CSMD1: variants seen among roughly 807,000 people sequenced by gnomAD.
CSMD1 encodes the protein CUB and Sushi multiple domains 1.
In CSMD1, 213 loss-of-function variants were observed where a neutral mutation model predicts 417.5. The ratio of observed to expected loss-of-function variants is 0.51; its 90% CI spans 0.46 to 0.57. The LOEUF (loss-of-function observed/expected upper bound fraction) is 0.57, where lower values mean the gene tolerates loss of function less well. Among genes scored for constraint, CSMD1 ranks in the 20% least tolerant of loss-of-function variants. The pLI is 0.00. For missense variants in CSMD1, 6,923 were observed against 4,529.7 expected (o/e 1.53, Z -15.17); for synonymous variants, 2,862 against 1,736.8 (o/e 1.65, Z -16.11).
chr8:3,180,075 T>C (rs1446392602), intron 37 of CSMD1, among the ~76,000 whole-genome samples: 1 of 152,236 alleles, frequency 6.6e-6, no homozygotes, highest in Non-Finnish European at 1.5e-5. Flanking sequence ...TTTGCTTATT[T>C]GCAACTGCTT....
chr8:4,751,566 C>A (rs1811329497), intron 1 of CSMD1, among the ~76,000 whole-genome samples: 1 of 152,080 alleles, frequency 6.6e-6, no homozygotes, highest in African/African-American at 2.4e-5. Flanking sequence ...ATCCTAATAG[C>A]TTAATCTCAC....
intron 68 of CSMD1, among the ~76,000 whole-genome samples, chr8:2,948,977 TTA>T (rs1802436588): frequency 6.6e-6 from 1 of 151,946 alleles, no homozygotes; most frequent in Admixed American, 6.6e-5. Context: ...CTTTTTTTTT[TTA>T]CTTTTAAGAA....
At chr8:3,008,841 T>A (rs1808162454) in intron 52 of CSMD1, among the ~76,000 whole-genome samples, 1 of 152,304 alleles carries the variant, frequency 6.6e-6, no homozygotes, top group South Asian at 2.1e-4. Context: ...TGACGCAAGG[T>A]GGACCCTCAA....
At chr8:3,084,332 C>T (rs754953710) in intron 49 of CSMD1, among the ~76,000 whole-genome samples, 2 of 151,364 alleles carry the variant, frequency 1.3e-5, no homozygotes, top group African/African-American at 2.4e-5. Context: ...GAGACCAGCC[C>T]GAGCAACATG....
intron 3 of CSMD1, among the ~76,000 whole-genome samples, chr8:4,173,349 T>C (rs1647300): frequency 0.18 from 26,761 of 152,046 alleles, 2,587 homozygotes; most frequent in East Asian, 0.3. Context: ...AGATATTCAG[T>C]ATGTGGTGAT....
chr8:4,455,409 G>A (rs182717421), intron 2 of CSMD1, among the ~76,000 whole-genome samples: 1 of 152,102 alleles, frequency 6.6e-6, no homozygotes, highest in East Asian at 1.9e-4. Context: ...CAGCTGTCAT[G>A]TGTATCATTA....
chr8:4,104,865 T>C (rs1019007665), intron 3 of CSMD1, among the ~76,000 whole-genome samples: 1 of 152,206 alleles, frequency 6.6e-6, no homozygotes, highest in Non-Finnish European at 1.5e-5. Context: ...CTTACATTTT[T>C]AGGTATTACT....
rs141569053 is a variant in CSMD1, at chr8:4,109,571, T to C, written c.416-77472A>G. Among the ~76,000 whole-genome samples the C allele has an allele frequency of 7.2e-5, 11 of 152,288 alleles. 1 individual carries two copies. The highest frequency in any genetic ancestry group is 3.9e-4 in the East Asian group (2 of 5,184). On this transcript the variant is annotated intron_variant, in intron 3 of 69. Coordinates refer to ENST00000635120, the MANE Select transcript of CSMD1 (RefSeq NM_033225.6). ...AAATTGACCATCATTTCCCAGTCAA[T>C]GTCTGGAACTACGCAGGAGCATTTG...
At chr8:3,305,032 C>T (rs1365419694) in intron 25 of CSMD1, among the ~76,000 whole-genome samples, 1 of 151,940 alleles carries the variant, frequency 6.6e-6, no homozygotes, top group Admixed American at 6.6e-5. Context: ...AAGTTAAGGA[C>T]TAATATTTAA....
chr8:2,961,418 TTAAG>T (rs1331075548), intron 61 of CSMD1, among the ~76,000 whole-genome samples: 9 of 152,300 alleles, frequency 5.9e-5, no homozygotes, highest in African/African-American at 2.2e-4. Flanking sequence ...CTTTTAGACT[TTAAG>T]TAGTTCAGTA....
intron 1 of CSMD1, among the ~76,000 whole-genome samples, chr8:4,837,763 T>A (rs1278255314): frequency 6.6e-6 from 1 of 152,116 alleles, no homozygotes; most frequent in African/African-American, 2.4e-5. Flanking sequence ...ATAACTACAT[T>A]GTTTGTAACT....
intron 1 of CSMD1, among the ~76,000 whole-genome samples, chr8:4,934,908 T>C (rs984455654): frequency 2.0e-5 from 3 of 152,184 alleles, no homozygotes; most frequent in African/African-American, 7.2e-5. Flanking sequence ...CTACCTATAA[T>C]GTATCAATCA....
At chr8:4,572,425 A>G (rs561663446) in intron 2 of CSMD1, among the ~76,000 whole-genome samples, 2 of 152,292 alleles carry the variant, frequency 1.3e-5, no homozygotes, top group Admixed American at 1.3e-4. Flanking sequence ...ACTTTTCTTC[A>G]AGAATGTTGA....
chr8:4,221,119 C>A (rs1007921091), intron 3 of CSMD1, among the ~76,000 whole-genome samples: 2 of 152,136 alleles, frequency 1.3e-5, no homozygotes, highest in Non-Finnish European at 2.9e-5. Context: ...ACGGACAAGA[C>A]AGAGAATAGA....
chr8:4,340,345 G>A (rs527529713), intron 3 of CSMD1, among the ~76,000 whole-genome samples: 3 of 152,134 alleles, frequency 2.0e-5, no homozygotes, highest in East Asian at 1.9e-4. Context: ...TGAGGTTTGA[G>A]GGGCTGCTAC....
At chr8:3,794,796 C>A (rs933871378) in intron 5 of CSMD1, among the ~76,000 whole-genome samples, 4 of 151,922 alleles carry the variant, frequency 2.6e-5, no homozygotes, top group African/African-American at 7.3e-5. Flanking sequence ...AAAGTGACAA[C>A]CAACTTGTCA....
intron 8 of CSMD1, among the ~76,000 whole-genome samples, chr8:3,588,485 G>C (rs986967879): frequency 1.3e-5 from 2 of 152,074 alleles, no homozygotes; most frequent in Non-Finnish European, 2.9e-5. Flanking sequence ...AACAGAAAGG[G>C]AGGGATGGGG....
intron 10 of CSMD1, among the ~76,000 whole-genome samples, chr8:3,501,346 A>T (rs1201998037): frequency 6.6e-6 from 1 of 152,180 alleles, no homozygotes; most frequent in Non-Finnish European, 1.5e-5. Flanking sequence ...CACTATTTTT[A>T]AGTTTTTCCT....
In CSMD1 at chr8:2,969,256, C is replaced by G. The variant is rs1383902211; in HGVS notation, c.8924-2510G>C. Among the ~76,000 whole-genome samples the G allele has an allele frequency of 2.6e-5, 4 of 152,122 alleles. No individual in the cohort carries two copies. The South Asian group carries it at 6.2e-4, about 24-fold the overall frequency. On this transcript the variant is annotated intron_variant, in intron 57 of 69. Coordinates refer to ENST00000635120, the MANE Select transcript of CSMD1 (RefSeq NM_033225.6). The stretch of plus-strand genomic sequence containing the variant: ...TAGCTTATGCTATTGTTATTTTCAT[C>G]ATCATCACTCTTACTTATTGAGTAA...
Sources: gnomAD v4.1 joint callset for allele counts (sites outside exome capture counted in the v4.1 genomes callset) on GRCh38, gnomAD v4.1.1 for gene constraint, MANE v1.5 for transcripts, NCBI Gene and HGNC (gene_info 2026-07-23, HGNC 2026-07-21) for gene names.